EBF4: variants seen among roughly 807,000 people sequenced by gnomAD.
EBF4 encodes EBF transcription factor 4, also known as transcription factor COE4.
A neutral mutation model predicts 67.1 loss-of-function variants in EBF4; 34 were observed. The observed-to-expected ratio is 0.51, with a 90% CI of 0.39 to 0.67. The LOEUF is 0.67. Among genes scored for constraint, EBF4 ranks in the 30% least tolerant of loss-of-function variants. The pLI is 0.00. For synonymous variants in EBF4, 387 were observed against 377.7 expected, an observed-to-expected ratio of 1.02 and a Z score of -0.29; for missense variants, 837 against 873.3, an observed-to-expected ratio of 0.96 and a Z score of 0.52.
At chr20:2,716,384 C>T (rs2087610643) in intron 6 of EBF4, among the ~76,000 whole-genome samples, 1 of 151,746 alleles carries the variant, frequency 6.6e-6, no homozygotes, top group African/African-American at 2.4e-5. Flanking sequence ...AAAAAATCAG[C>T]CGGGTGTGGT....
At chr20:2,741,030 G>A (rs1321948088) in intron 6 of EBF4, among the ~76,000 whole-genome samples, 1 of 152,138 alleles carries the variant, frequency 6.6e-6, no homozygotes, top group Non-Finnish European at 1.5e-5. Context: ...GAAGCTCCAG[G>A]CCAGGCATGG....
intron 1 of EBF4, among the ~76,000 whole-genome samples, chr20:2,697,442 G>A (rs570636211): frequency 1.3e-5 from 2 of 152,048 alleles, no homozygotes; most frequent in Non-Finnish European, 2.9e-5. Context: ...CTACTCAGGA[G>A]GCTGAGGCAG....
intron 1 of EBF4, among the ~76,000 whole-genome samples, chr20:2,698,484 C>A (rs2146365132): frequency 6.6e-6 from 1 of 152,304 alleles, no homozygotes; most frequent in Middle Eastern, 3.4e-3. Flanking sequence ...AGGGCCAGGC[C>A]CAGCTTGATC....
chr20:2,742,178 C>T (rs776928088), intron 6 of EBF4, among the ~76,000 whole-genome samples: 22 of 152,160 alleles, frequency 1.4e-4, no homozygotes, highest in Non-Finnish European at 2.6e-4. Context: ...CATAAAGACC[C>T]GTTTTCATAT....
At chr20:2,695,502 C>A (rs1398866671) in intron 1 of EBF4, among the ~76,000 whole-genome samples, 2 of 152,162 alleles carry the variant, frequency 1.3e-5, no homozygotes, top group African/African-American at 4.8e-5. Context: ...AGGGCTTCCG[C>A]AATGTGAACA....
intron 6 of EBF4, among the ~76,000 whole-genome samples, chr20:2,731,344 G>A (rs897320295): frequency 1.1e-4 from 16 of 152,160 alleles, no homozygotes; most frequent in African/African-American, 3.6e-4. Flanking sequence ...AGTCATCCAG[G>A]ACCAAGCAGT....
chr20:2,740,324 A>T (rs2087949295), intron 6 of EBF4, among the ~76,000 whole-genome samples: 2 of 151,710 alleles, frequency 1.3e-5, no homozygotes, highest in Non-Finnish European at 2.9e-5. Context: ...AAAAAAAAAT[A>T]GATTTATGTT....
In EBF4 at chr20:2,709,705, A is replaced by T. The variant is rs1424873527; in HGVS notation, c.557+63A>T. On this transcript the variant is annotated intron_variant, in intron 6 of 16. Transcript: ENST00000609451. ...GAGTGGGGGAGGGGCAGCTGTTTTC[A>T]ACCACAGAGCACCAAGGCTCAAGGG... The T allele has an allele frequency of 5.5e-6, 8 of 1,447,986 alleles. 1 individual carries two copies. In the Admixed American group the frequency reaches 1.7e-4, roughly 31 times the overall value. The allele number at this position is 1,447,986 out of a possible 1,614,324, so 89.7% of individuals were successfully genotyped here.
upstream of EBF4, chr20:2,693,510 G>T: frequency 9.2e-7 from 1 of 1,081,682 alleles, no homozygotes; most frequent in Admixed American, 4.3e-5. The surrounding 1 kb of genome is among the most constrained non-coding windows in gnomAD (Gnocchi z 4.6). Context: ...AGAGGCGAGC[G>T]CGCACTGAGC....
chr20:2,752,583 G>T, intron 14 of EBF4, 38 bp downstream of exon 14: 1 of 1,226,576 alleles, frequency 8.2e-7, no homozygotes, highest in Non-Finnish European at 1.0e-6. Flanking sequence ...GTCTGGGGCC[G>T]GGGAGCGGAA....
Position 2,751,061 on chromosome 20 carries a change from TG to T in EBF4, c.1019-636del, listed in dbSNP as rs1167277877. Among the ~76,000 whole-genome samples, 3 of 151,704 alleles carry T rather than the reference TG, an allele frequency of 2.0e-5. No individual in the cohort carries two copies. Among genetic ancestry groups the T allele is most frequent in the Admixed American group, 2.0e-4 (3 of 15,230 alleles). On this transcript the variant is annotated intron_variant, in intron 10 of 16. Transcript: ENST00000609451. The surrounding 1 kb of genome is among the most constrained non-coding windows in gnomAD (Gnocchi z 5.2). ...GGAGGAGGAGAAGGGCGTGGGGAGC[TG>T]GGTCAGACGCGCATACACACACACA... is the stretch of plus-strand genomic sequence containing the variant.
chr20:2,733,597 A>G (rs2087842453), intron 6 of EBF4, among the ~76,000 whole-genome samples: 2 of 151,880 alleles, frequency 1.3e-5, no homozygotes, highest in Admixed American at 1.3e-4. Context: ...AGCTCTGTTC[A>G]TTTTTCTTCA....
chr20:2,749,966 C>A, exon 10 of EBF4: 1 of 1,550,354 alleles, frequency 6.5e-7, no homozygotes, highest in South Asian at 1.2e-5. Flanking sequence ...GCCGCTTTGT[C>A]TACACAGGTA....
intron 6 of EBF4, among the ~76,000 whole-genome samples, chr20:2,715,831 C>G (rs995635835): frequency 2.0e-5 from 3 of 152,190 alleles, no homozygotes; most frequent in African/African-American, 7.2e-5. Flanking sequence ...TCACTGCAAC[C>G]TCTGCCTCCC....
chr20:2,752,219 C>T (rs1449388146), exon 13 of EBF4: 2 of 1,359,622 alleles, frequency 1.5e-6, no homozygotes, highest in East Asian at 6.3e-5. Context: ...TTCAGCAGCC[C>T]GCTGGCCATC....
rs1414853985 is a variant in EBF4, at chr20:2,696,090, A to G, written c.137+2308A>G. 6.6e-6 allele frequency among the ~76,000 whole-genome samples: 1 copy of G among 151,562 alleles called. No homozygotes were observed. The highest frequency in any genetic ancestry group is 1.5e-5 in the Non-Finnish European group (1 of 67,916). ...CAGTGCCTAGCCCCAGCCATTCACC[A>G]CTCCCCTAAAACCATCTTCCCTGCA... is the stretch of plus-strand genomic sequence containing the variant. On this transcript the variant is annotated intron_variant, in intron 1 of 16. Coordinates refer to ENST00000609451, the Ensembl canonical transcript of EBF4. The surrounding 1 kb of genome is among the most constrained non-coding windows in gnomAD (Gnocchi z 4.7).
At chr20:2,760,014 C>T (rs929076585), downstream of EBF4, 2 of 152,354 alleles carry the variant, frequency 1.3e-5, no homozygotes, top group Non-Finnish European at 2.9e-5. This position sits in a 1 kb window ranked among gnomAD's most constrained non-coding sequence, Gnocchi z 4.2. Context: ...CCCCAGGTGG[C>T]CTCACATTCT....
At position 2,749,562 on chromosome 20, in the gene EBF4, G is replaced by GC. The variant is rs750204354; in HGVS notation, c.757+50dup. 9.8e-6 allele frequency: 15 copies of GC among 1,537,040 alleles called. No individual in the cohort carries two copies. In the African/African-American group the frequency reaches 1.8e-4, roughly 18 times the overall value. Reference sequence around the variant, plus strand: ...GCCCCGGCCGCCGCGGGCCCAGCCAGCCCCCCAGGCCCCACCTCAGCGCGG... The same window carrying GC: ...GCCCCGGCCGCCGCGGGCCCAGCCAGCCCCCCCAGGCCCCACCTCAGCGCGG... On this transcript the variant is annotated intron_variant, in intron 8 of 16. Coordinates refer to ENST00000609451, the Ensembl canonical transcript of EBF4.
At chr20:2,752,846 C>T (rs1872074396) in intron 14 of EBF4, among the ~76,000 whole-genome samples, 1 of 152,246 alleles carries the variant, frequency 6.6e-6, no homozygotes, top group Non-Finnish European at 1.5e-5. Flanking sequence ...GAAGTGGGCT[C>T]TAATGGGTGG....
Sources: gnomAD v4.1 joint callset for allele counts (sites outside exome capture counted in the v4.1 genomes callset) on GRCh38, gnomAD v4.1.1 for gene constraint, Gnocchi (gnomAD v3.1) non-coding constraint, MANE v1.5 for transcripts, NCBI Gene and HGNC (gene_info 2026-07-23, HGNC 2026-07-21) for gene names.